CAPN11: variants seen among roughly 807,000 people sequenced by gnomAD.
CAPN11 encodes calpain 11.
Under a neutral mutation model 105.3 loss-of-function variants are expected in CAPN11, and 108 were observed. The observed-to-expected ratio is 1.03, with a 90% CI of 0.88 to 1.20. The LOEUF is 1.20. Ranked by LOEUF, CAPN11 falls within the 50% of genes most tolerant of loss-of-function variation. The pLI is 0.00. For missense variants in CAPN11, 883 were observed against 924.8 expected (o/e 0.95, Z 0.59); for synonymous variants, 329 against 344.5 (o/e 0.96, Z 0.50).
rs1191252575 is a variant in CAPN11, at chr6:44,176,080, AG to A, written c.845del (p.Ser282MetfsTer6). ...CTCTGTTCTGTAGGTCACCAGTGAT[AG>A]TGAACTGGAATCCATGACTGACAAG... ...MGCSIEVTSD[S>X]ELESMTDKML... On this transcript the variant is annotated frameshift_variant, in exon 8 of 23. Transcript: ENST00000398776. LOFTEE classifies it high-confidence loss of function. 4.3e-6 allele frequency: 7 copies of A among 1,610,222 alleles called. No homozygotes were observed. In the Admixed American group the frequency reaches 6.7e-5, roughly 15 times the overall value.
intron 1 of CAPN11, among the ~76,000 whole-genome samples, 176 bp from the exon 2 acceptor site, chr6:44,166,582 C>A (rs1022468296): frequency 4.6e-5 from 7 of 152,200 alleles, no homozygotes; most frequent in African/African-American, 1.7e-4. Context: ...CTTCTGTGGG[C>A]TCAAGCAGGG....
chr6:44,162,373 A>AC (rs1769022909), intron 1 of CAPN11, among the ~76,000 whole-genome samples: 1 of 100,104 alleles, frequency 1.0e-5, no homozygotes, highest in African/African-American at 4.6e-5. Flanking sequence ...ATAAAGACAC[A>AC]CACACACACA....
Position 44,169,267 on chromosome 6 carries a change from T to C in CAPN11, c.89-14T>C. Reference sequence around the variant, plus strand: ...TTTTTACTTGCGTTATTTCTCTTTTTTTTTCTTAAGCAGAGCCCACTTTTA... The same window carrying C: ...TTTTTACTTGCGTTATTTCTCTTTTCTTTTCTTAAGCAGAGCCCACTTTTA... On this transcript the variant is annotated splice_polypyrimidine_tract_variant and intron_variant, in intron 2 of 22. Transcript: ENST00000398776. The C allele has an allele frequency of 1.3e-6, 2 of 1,590,174 alleles. No homozygotes were observed. The highest frequency in any genetic ancestry group is 1.7e-6 in the Non-Finnish European group (2 of 1,168,970).
In CAPN11 at chr6:44,184,097, T is replaced by C. The variant is rs193016684; in HGVS notation, c.*165T>C. ...CCAGGTGCCGTGTTTACTGCAGCAG[T>C]GGGACCTCCGTGCCCACTCCCCCAG... is the stretch of plus-strand genomic sequence containing the variant. On this transcript the variant is annotated 3_prime_UTR_variant, in exon 23 of 23. Transcript: ENST00000398776. 960 of 693,836 alleles carry C rather than the reference T, an allele frequency of 1.4e-3. 2 individuals are homozygous for C. The highest frequency in any genetic ancestry group is 2.6e-3 in the Admixed American group (99 of 38,602). 43.0% of individuals were successfully genotyped at this position (693,836 alleles called of 1,614,324 possible).
intron 13 of CAPN11, 150 bp from the exon 14 acceptor site, chr6:44,179,802 G>A: frequency 1.1e-6 from 1 of 887,912 alleles, no homozygotes; most frequent in Non-Finnish European, 1.9e-6. Context: ...GACCCTGTTG[G>A]AGTTGCGGGC....
chr6:44,163,457 G>A (rs1561837776), intron 1 of CAPN11, among the ~76,000 whole-genome samples: 1 of 152,180 alleles, frequency 6.6e-6, no homozygotes, highest in Non-Finnish European at 1.5e-5. Flanking sequence ...CCTCACCATG[G>A]CGACCTCCCA....
At chr6:44,178,703 A>G (rs9462971) in intron 12 of CAPN11, among the ~76,000 whole-genome samples, 30,947 of 147,160 alleles carry the variant, frequency 0.21, 3,517 homozygotes, top group Admixed American at 0.32. Flanking sequence ...AGGATGCCCA[A>G]AGAATTTAAC....
At chr6:44,182,399 C>T (rs1241226773) in intron 19 of CAPN11, among the ~76,000 whole-genome samples, 5 of 152,060 alleles carry the variant, frequency 3.3e-5, no homozygotes, top group Non-Finnish European at 5.9e-5. Flanking sequence ...TATTTTATAA[C>T]AAGTATAGCT....
chr6:44,161,792 C>T (rs1469757982), intron 1 of CAPN11: 2 of 456,040 alleles, frequency 4.4e-6, no homozygotes, highest in South Asian at 1.5e-5. Flanking sequence ...CCTTCCAGGC[C>T]CCCAGGAGAG....
chr6:44,172,184 C>A, intron 4 of CAPN11, 118 bp from the exon 5 acceptor site: 1 of 596,594 alleles, frequency 1.7e-6, no homozygotes, highest in East Asian at 3.1e-5. Context: ...GCCTCTCCGC[C>A]GGGGGGGTGA....
intron 9 of CAPN11, 86 bp downstream of exon 9, chr6:44,176,424 A>G (rs1772024852): frequency 7.6e-7 from 1 of 1,321,502 alleles, no homozygotes; most frequent in African/African-American, 1.4e-5. Context: ...ATCTAGGAGA[A>G]CAACCTGTAC....
rs757579344 is a variant in CAPN11 at position 44,180,992 on chromosome 6, A to G, written c.1864A>G (p.Met622Val). 1.9e-6 allele frequency: 3 copies of G among 1,612,684 alleles called. No individual in the cohort carries two copies. In the South Asian group the frequency reaches 3.3e-5, roughly 18 times the overall value. ...LDACRCMINL[M>V]DKDGSGKLGL... ...TGCTTGCCGCTGCATGATCAACCTC[A>G]TGGATGTATCCTCCTGTCCAGTGCT... is the stretch of plus-strand genomic sequence containing the variant. The change falls in exon 18 of 23, where the codon ATG (methionine) becomes GTG (valine). Residue 622 changes from methionine to valine, a missense_variant. Physicochemically the swap from Met to Val is conservative, Grantham distance 21. Coordinates refer to ENST00000398776, the MANE Select transcript of CAPN11 (RefSeq NM_007058.4).
chr6:44,172,800 G>A, intron 5 of CAPN11, 140 bp from the exon 6 acceptor site: 1 of 960,374 alleles, frequency 1.0e-6, no homozygotes, highest in Non-Finnish European at 1.5e-6. Flanking sequence ...GCCGGGCTCA[G>A]GCTTTGGGTT....
In CAPN11 at chr6:44,183,237, T is replaced by G. The variant is rs765509410; in HGVS notation, c.2134+2T>G. On this transcript the variant is annotated splice_donor_variant, in intron 21 of 22. Coordinates refer to ENST00000398776, the MANE Select transcript of CAPN11 (RefSeq NM_007058.4). LOFTEE classifies it high-confidence loss of function. ...TCCTGAGGCTAAAGACCATGTTCAG[T>G]GAGTTAGGCATCTACCCACTCCCCA... 6.3e-7 allele frequency: 1 copy of G among 1,589,998 alleles called. No individual in the cohort carries two copies. The highest frequency in any genetic ancestry group is 8.6e-7 in the Non-Finnish European group (1 of 1,158,086).
intron 19 of CAPN11, among the ~76,000 whole-genome samples, chr6:44,181,557 A>AC: frequency 1.2e-5 from 1 of 82,692 alleles, no homozygotes; most frequent in African/African-American, 4.1e-5. Flanking sequence ...ACACACTCAC[A>AC]TACAGACACA....
chr6:44,179,385 T>G (rs959636947), intron 12 of CAPN11, among the ~76,000 whole-genome samples: 7 of 151,744 alleles, frequency 4.6e-5, no homozygotes, highest in African/African-American at 1.7e-4. Context: ...ACTGCAGCCT[T>G]GACCTCCAGC....
chr6:44,181,362 G>C (rs759134481), intron 19 of CAPN11, 42 bp downstream of exon 19: 5 of 1,578,852 alleles, frequency 3.2e-6, no homozygotes, highest in Non-Finnish European at 4.4e-6. Flanking sequence ...GTGAGGAAAA[G>C]AGGGTCTTAG....
rs551535659 is a variant in CAPN11 at position 44,169,345 on chromosome 6, C to T, written c.153C>T (p.Gly51=). Residue 51 remains glycine (G), a synonymous_variant, in exon 3 of 23, where the codon GGC becomes GGT. Coordinates refer to ENST00000398776, the MANE Select transcript of CAPN11 (RefSeq NM_007058.4). ...HINNSRLKAK[G]VGQHDNAQNF... ...ACAACAGCCGGCTCAAGGCCAAGGGCGTGGGCCAGCACGACAACGCCCAGA... is the reference window on the plus strand; with the variant it reads ...ACAACAGCCGGCTCAAGGCCAAGGGTGTGGGCCAGCACGACAACGCCCAGA... The T allele has an allele frequency of 2.5e-5, 40 of 1,613,870 alleles. No individual in the cohort carries two copies. Among genetic ancestry groups the T allele is most frequent in the South Asian group, 1.6e-4 (15 of 91,080 alleles).
At chr6:44,175,610 T>C (rs949364685) in intron 7 of CAPN11, among the ~76,000 whole-genome samples, 4 of 152,004 alleles carry the variant, frequency 2.6e-5, no homozygotes, top group Admixed American at 2.0e-4. Context: ...ACCCCATCTA[T>C]ACTAAAAATA....
Sources: gnomAD v4.1 joint callset for allele counts (sites outside exome capture counted in the v4.1 genomes callset) on GRCh38, gnomAD v4.1.1 for gene constraint, MANE v1.5 for transcripts, NCBI Gene and HGNC (gene_info 2026-07-23, HGNC 2026-07-21) for gene names.